IGF2BP3: variants seen among roughly 807,000 people sequenced by gnomAD.
IGF2BP3 encodes the protein insulin-like growth factor 2 mRNA-binding protein 3.
Under a neutral mutation model 73.8 loss-of-function variants are expected in IGF2BP3, and 9 were observed. The observed-to-expected ratio is 0.12, with a 90% CI of 0.07 to 0.21. IGF2BP3 has a LOEUF of 0.21. IGF2BP3 is among the 10% of genes least tolerant of loss of function. The pLI is 1.00. For missense variants in IGF2BP3, 542 were observed against 714.0 expected (o/e 0.76, Z 2.75); for synonymous variants, 258 against 256.7 (o/e 1.01, Z -0.05).
intron 3 of IGF2BP3, among the ~76,000 whole-genome samples, chr7:23,409,044 T>A (rs1786935577): frequency 6.6e-6 from 1 of 152,014 alleles, no homozygotes; most frequent in South Asian, 2.1e-4. Context: ...TCCTAAGGAG[T>A]GAGCAACCTA....
chr7:23,415,947 G>A (rs1787177724), intron 3 of IGF2BP3, among the ~76,000 whole-genome samples: 1 of 152,190 alleles, frequency 6.6e-6, no homozygotes, highest in African/African-American at 2.4e-5. Context: ...GAGAGCTGGT[G>A]AATTTGTTGT....
Position 23,383,602 on chromosome 7 carries a change from AC to A in IGF2BP3, c.286-21862del, listed in dbSNP as rs140888732. ...TCTCAAAATGTTAAAACATAAAGTT[AC>A]TATGTGACTCTGCAAGTGAACTCCT... On this transcript the variant is annotated intron_variant, in intron 3 of 14. Transcript: ENST00000258729. 4.2e-3 allele frequency among the ~76,000 whole-genome samples: 638 copies of A among 152,348 alleles called. 1 individual carries two copies. Among genetic ancestry groups the A allele is most frequent in the Non-Finnish European group, 7.0e-3 (478 of 68,022 alleles).
chr7:23,372,085 C>CT (rs1464567840), intron 3 of IGF2BP3, among the ~76,000 whole-genome samples: 1 of 137,228 alleles, frequency 7.3e-6, no homozygotes, highest in Non-Finnish European at 1.6e-5. Flanking sequence ...TTTTTTTTTT[C>CT]TTTTTTGAGA....
chr7:23,378,178 G>C (rs10227690), intron 3 of IGF2BP3, among the ~76,000 whole-genome samples: 13,798 of 151,994 alleles, frequency 0.091, 1,343 homozygotes, highest in African/African-American at 0.24. Context: ...AAGACCCAAC[G>C]ATGTTGAAAA....
At chr7:23,404,439 A>C (rs965663492) in intron 3 of IGF2BP3, among the ~76,000 whole-genome samples, 1 of 152,196 alleles carries the variant, frequency 6.6e-6, no homozygotes, top group African/African-American at 2.4e-5. Context: ...TAGTGGACAC[A>C]AAACAAGAAA....
intron 3 of IGF2BP3, among the ~76,000 whole-genome samples, chr7:23,407,051 AAGAG>A (rs1341564737): frequency 2.6e-5 from 4 of 152,140 alleles, no homozygotes; most frequent in East Asian, 3.9e-4. Context: ...TGAAGATTTT[AAGAG>A]AGAGAACACA....
chr7:23,441,636 GA>G lies in IGF2BP3; in HGVS notation c.237-22813del, dbSNP rs1350391947. 8.0e-3 allele frequency among the ~76,000 whole-genome samples: 966 copies of G among 120,362 alleles called. 8 individuals are homozygous for G. The highest frequency in any genetic ancestry group is 0.026 in the African/African-American group (848 of 32,428). 79.0% of individuals were successfully genotyped at this position (120,362 alleles called of 152,430 possible). ...TATGTTAAAATTCTGTAGATTTAGG[GA>G]AAAAAAAAAAGACTTGCAGAACCTT... On this transcript the variant is annotated intron_variant, in intron 2 of 14. Coordinates refer to ENST00000258729, the MANE Select transcript of IGF2BP3 (RefSeq NM_006547.3).
intron 3 of IGF2BP3, among the ~76,000 whole-genome samples, chr7:23,380,157 C>CT (rs10571084): frequency 0.015 from 1,050 of 71,498 alleles, 10 homozygotes; most frequent in Non-Finnish European, 0.022. Context: ...CACTATGCCT[C>CT]TTTTTTTTTT....
intron 2 of IGF2BP3, among the ~76,000 whole-genome samples, chr7:23,439,866 T>C (rs1159289541): frequency 2.0e-5 from 3 of 152,204 alleles, no homozygotes; most frequent in Non-Finnish European, 4.4e-5. Flanking sequence ...CACTCAACAG[T>C]ACCTAGAGCA....
intron 3 of IGF2BP3, among the ~76,000 whole-genome samples, chr7:23,391,464 C>G (rs1260843802): frequency 6.6e-6 from 1 of 152,168 alleles, no homozygotes; most frequent in Non-Finnish European, 1.5e-5. Context: ...ATCCATGACA[C>G]TCTCGCTTTC....
At chr7:23,383,844 T>C (rs940825220) in intron 3 of IGF2BP3, among the ~76,000 whole-genome samples, 1 of 151,870 alleles carries the variant, frequency 6.6e-6, no homozygotes, top group African/African-American at 2.4e-5. Flanking sequence ...CACCTGTAAT[T>C]CCAGCACTTT....
At chr7:23,324,349 C>T (rs1295417608) in intron 10 of IGF2BP3, among the ~76,000 whole-genome samples, 1 of 151,958 alleles carries the variant, frequency 6.6e-6, no homozygotes, top group Non-Finnish European at 1.5e-5. Context: ...TCGACACATA[C>T]ACCCTCCCAA....
intron 10 of IGF2BP3, among the ~76,000 whole-genome samples, chr7:23,335,805 C>T (rs1230907688): frequency 6.6e-6 from 1 of 152,198 alleles, no homozygotes. Flanking sequence ...TATGCCAATT[C>T]CAGCTCTTGC....
chr7:23,441,029 T>A (rs1024160158), intron 2 of IGF2BP3, among the ~76,000 whole-genome samples: 31 of 152,098 alleles, frequency 2.0e-4, no homozygotes, highest in Admixed American at 2.0e-3. Context: ...AACTTAAAAA[T>A]TAGTTGCAGA....
chr7:23,315,156 C>G (rs1450010518), intron 12 of IGF2BP3, among the ~76,000 whole-genome samples: 1 of 151,458 alleles, frequency 6.6e-6, no homozygotes, highest in Non-Finnish European at 1.5e-5. Flanking sequence ...GACAGAGTCT[C>G]TTTCTCTGTG....
chr7:23,345,748 G>A (rs1784813153), intron 8 of IGF2BP3, among the ~76,000 whole-genome samples, 192 bp downstream of exon 8: 1 of 152,180 alleles, frequency 6.6e-6, no homozygotes, highest in Non-Finnish European at 1.5e-5. Flanking sequence ...GGTTCCTCCT[G>A]CCAGAAGCAG....
chr7:23,469,903 C>T lies in IGF2BP3; in HGVS notation c.175+33G>A, dbSNP rs1440461083. 6 of 1,557,222 alleles carry T rather than the reference C, an allele frequency of 3.9e-6. No homozygotes were observed. Among genetic ancestry groups the T allele is most frequent in the Non-Finnish European group, 5.2e-6 (6 of 1,153,790 alleles). On this transcript the variant is annotated intron_variant, in intron 1 of 14. Coordinates refer to ENST00000258729, the MANE Select transcript of IGF2BP3 (RefSeq NM_006547.3). The surrounding 1 kb of genome is among the most constrained non-coding windows in gnomAD (Gnocchi z 6.1). ...CTGGGCGGGCGGTGCAGGGCTGGGG[C>T]GAGAGCCCGGGTGGGGCCAGGCCCG...
chr7:23,412,806 G>A (rs893650194), intron 3 of IGF2BP3, among the ~76,000 whole-genome samples: 1 of 141,026 alleles, frequency 7.1e-6, no homozygotes, highest in South Asian at 2.3e-4. Context: ...AATAACATTA[G>A]GAGAAACTGA....
At chr7:23,387,706 C>G (rs1786131621) in intron 3 of IGF2BP3, among the ~76,000 whole-genome samples, 1 of 152,136 alleles carries the variant, frequency 6.6e-6, no homozygotes. Context: ...CTACAATACC[C>G]ATGAACACTG....
Sources: gnomAD v4.1 joint callset for allele counts (sites outside exome capture counted in the v4.1 genomes callset) on GRCh38, gnomAD v4.1.1 for gene constraint, Gnocchi (gnomAD v3.1) non-coding constraint, MANE v1.5 for transcripts, NCBI Gene and HGNC (gene_info 2026-07-23, HGNC 2026-07-21) for gene names.